The following KIDINS220 variants were observed in gnomAD, a reference collection of about 807,000 sequenced individuals.
The protein encoded by KIDINS220 is kinase D-interacting substrate of 220 kDa.
A neutral mutation model predicts 157.6 loss-of-function variants in KIDINS220; 63 were observed. That is an observed-to-expected ratio of 0.40 (90% CI 0.33 to 0.49). The LOEUF is 0.49. Ranked by LOEUF, KIDINS220 falls within the 20% of genes least tolerant of loss-of-function variation. The pLI is 0.66. For synonymous variants in KIDINS220, 732 were observed against 783.6 expected, an observed-to-expected ratio of 0.93 and a Z score of 1.10; for missense variants, 1,772 against 2,171.2, an observed-to-expected ratio of 0.82 and a Z score of 3.65.
At chr2:8,740,170 C>T in intron 26 of KIDINS220, 4 of 984,184 alleles carry the variant, frequency 4.1e-6, no homozygotes, top group Non-Finnish European at 4.8e-6. Context: ...GTTTGTTAAA[C>T]CCAGAGTCAC....
intron 6 of KIDINS220, among the ~76,000 whole-genome samples, chr2:8,811,767 A>G (rs556189226): frequency 7.2e-5 from 11 of 152,124 alleles, no homozygotes; most frequent in African/African-American, 9.7e-5. Flanking sequence ...GGTAAGTGTT[A>G]AGGATTTAAA....
At chr2:8,830,181 T>G (rs969410774) in intron 1 of KIDINS220, among the ~76,000 whole-genome samples, 3 of 152,150 alleles carry the variant, frequency 2.0e-5, no homozygotes, top group Non-Finnish European at 4.4e-5. Context: ...TCTATACTAA[T>G]CAAGACCCCT....
chr2:8,805,846 A>G (rs1675364822), intron 7 of KIDINS220, among the ~76,000 whole-genome samples: 1 of 152,206 alleles, frequency 6.6e-6, no homozygotes, highest in Non-Finnish European at 1.5e-5. Flanking sequence ...CAGGCCTAGA[A>G]GCAACAGGCC....
At chr2:8,816,429 C>A (rs554790504) in intron 4 of KIDINS220, among the ~76,000 whole-genome samples, 20 of 152,118 alleles carry the variant, frequency 1.3e-4, no homozygotes, top group Admixed American at 1.2e-3. Context: ...CAACCTTAGT[C>A]CACAGGATTG....
downstream of KIDINS220, chr2:8,727,296 C>T (rs1663417702): frequency 1.9e-6 from 2 of 1,043,932 alleles, no homozygotes; most frequent in South Asian, 3.4e-5. Flanking sequence ...ATAAAGGAGG[C>T]TCGATGCTCA....
intron 26 of KIDINS220, among the ~76,000 whole-genome samples, chr2:8,744,330 A>G (rs1482298460): frequency 8.0e-6 from 1 of 125,716 alleles, no homozygotes; most frequent in African/African-American, 3.0e-5. Context: ...ATAAGGATCT[A>G]ATTTATAAAG....
rs540398900 is a variant in KIDINS220, at chr2:8,730,226, G to A, written c.*494C>T. 2.3e-5 allele frequency: 23 copies of A among 987,626 alleles called. No homozygotes were observed. The East Asian group carries it at 3.4e-4, about 15-fold the overall frequency. 61.2% of individuals were successfully genotyped at this position (987,626 alleles called of 1,614,324 possible). A position where few individuals can be genotyped will look rare whatever the true frequency, so the allele number is the denominator to read the frequency against. On this transcript the variant is annotated 3_prime_UTR_variant, in exon 30 of 30. Coordinates refer to ENST00000256707, the MANE Select transcript of KIDINS220 (RefSeq NM_020738.4). ...CCTGCCATACAGAACGCTGGATCTCGGTTTACTCAGCCTCTCCCTGTAGCG... is the reference window on the plus strand; with the variant it reads ...CCTGCCATACAGAACGCTGGATCTCAGTTTACTCAGCCTCTCCCTGTAGCG...
intron 22 of KIDINS220, among the ~76,000 whole-genome samples, chr2:8,758,703 T>C (rs982968950): frequency 6.6e-6 from 1 of 152,140 alleles, no homozygotes; most frequent in African/African-American, 2.4e-5. Context: ...TTTACAGCCA[T>C]AAATTTCCCT....
chr2:8,727,315 T>G, downstream of KIDINS220: 1 of 1,000,040 alleles, frequency 1.0e-6, no homozygotes, highest in Non-Finnish European at 1.2e-6. Flanking sequence ...CAGTCTGGAG[T>G]GCTGGCCAAA....
intron 4 of KIDINS220, among the ~76,000 whole-genome samples, chr2:8,816,113 C>A (rs142102828): frequency 2.0e-5 from 3 of 152,140 alleles, no homozygotes; most frequent in African/African-American, 7.2e-5. Context: ...AAATAAAGAA[C>A]CTTTAATAAA....
intron 6 of KIDINS220, 72 bp from the exon 7 acceptor site, chr2:8,806,441 T>C: frequency 1.1e-6 from 1 of 885,966 alleles, no homozygotes; most frequent in Middle Eastern, 2.9e-4. Flanking sequence ...TTAACATGAA[T>C]TTTAATAAAA....
chr2:8,801,599 GT>G (rs1312820128), intron 8 of KIDINS220, among the ~76,000 whole-genome samples: 1 of 152,180 alleles, frequency 6.6e-6, no homozygotes, highest in Admixed American at 6.5e-5. Flanking sequence ...ATAAGGTAAT[GT>G]TCTAGAAAGT....
At chr2:8,801,179 T>C (rs931857209) in intron 8 of KIDINS220, among the ~76,000 whole-genome samples, 8 of 152,232 alleles carry the variant, frequency 5.3e-5, no homozygotes, top group Non-Finnish European at 1.2e-4. Flanking sequence ...AACAGCTATT[T>C]TGGAAATGGG....
At position 8,779,079 on chromosome 2, in the gene KIDINS220, T is replaced by C. The variant is rs1558403454; in HGVS notation, c.2431A>G (p.Ile811Val). The C allele has an allele frequency of 1.2e-6, 2 of 1,614,078 alleles. No homozygotes were observed. Among genetic ancestry groups the C allele is most frequent in the East Asian group, 2.2e-5 (1 of 44,882 alleles). ...IAIFASDPHI[I>V]IKAINQNLNS... ...AGGTTCTGGTTAATTGCCTTTATGA[T>C]AATATGTGGATCACTTGCAAAAATG... Residue 811 changes from isoleucine to valine, a missense_variant, in exon 19 of 30, where the codon ATC becomes GTC. Ile to Val is a conservative substitution (Grantham distance 29). Transcript: ENST00000256707.
At chr2:8,778,762 C>T in intron 19 of KIDINS220, 35 bp from the exon 20 acceptor site, 1 of 1,596,532 alleles carries the variant, frequency 6.3e-7, no homozygotes, top group Non-Finnish European at 8.6e-7. Flanking sequence ...TCACTTACAC[C>T]AAAATTCTGT....
chr2:8,817,149 T>C (rs1052007275), intron 4 of KIDINS220, among the ~76,000 whole-genome samples: 1 of 152,210 alleles, frequency 6.6e-6, no homozygotes, highest in African/African-American at 2.4e-5. Flanking sequence ...AGCTAAGTAA[T>C]AATTAAGGAT....
At chr2:8,768,895 G>A (rs768176017) in intron 22 of KIDINS220, among the ~76,000 whole-genome samples, 2 of 151,944 alleles carry the variant, frequency 1.3e-5, no homozygotes, top group African/African-American at 2.4e-5. Flanking sequence ...CAATTCATAC[G>A]AATTATCAAT....
intron 22 of KIDINS220, among the ~76,000 whole-genome samples, chr2:8,763,637 T>C (rs1669074241): frequency 6.6e-6 from 1 of 152,196 alleles, no homozygotes; most frequent in African/African-American, 2.4e-5. Flanking sequence ...ATGAACACAA[T>C]TAAAATGTTT....
chr2:8,726,855 C>T (rs140246992), downstream of KIDINS220: 11 of 1,191,388 alleles, frequency 9.2e-6, no homozygotes, highest in African/African-American at 1.4e-4. Flanking sequence ...CATATGACTG[C>T]AGCTGACTTC....
Sources: gnomAD v4.1 joint callset for allele counts (sites outside exome capture counted in the v4.1 genomes callset) on GRCh38, gnomAD v4.1.1 for gene constraint, MANE v1.5 for transcripts, NCBI Gene and HGNC (gene_info 2026-07-23, HGNC 2026-07-21) for gene names.